Variants in RPP30 observed in about 807,000 individuals in gnomAD.
The protein encoded by RPP30 is ribonuclease P/MRP subunit p30.
In RPP30, 36 loss-of-function variants were observed where a neutral mutation model predicts 38.6. That is an observed-to-expected ratio of 0.93 (90% CI 0.71 to 1.23). The LOEUF (loss-of-function observed/expected upper bound fraction) is 1.23. Among genes scored for constraint, RPP30 ranks in the 50% most tolerant of loss-of-function variants. The probability of loss-of-function intolerance (pLI) is 0.00; values close to 1 mark genes in which losing one functional copy is unlikely to be tolerated. For synonymous variants in RPP30, 126 were observed against 112.7 expected (o/e 1.12, Z -0.75); for missense variants, 321 against 321.7 (o/e 1.00, Z 0.02).
At chr10:90,903,356 C>A, downstream of RPP30, 3 of 792,156 alleles carry the variant, frequency 3.8e-6, no homozygotes, top group South Asian at 3.3e-5. Flanking sequence ...TGCGACGTCC[C>A]ACCTTAATTT....
At chr10:90,899,447 T>C (rs1847177383) in intron 10 of RPP30, among the ~76,000 whole-genome samples, 1 of 152,230 alleles carries the variant, frequency 6.6e-6, no homozygotes, top group African/African-American at 2.4e-5. Context: ...TCTGTTCAAG[T>C]TCTTTTGATT....
chr10:90,892,591 A>G (rs1847095643), intron 6 of RPP30, among the ~76,000 whole-genome samples: 1 of 152,184 alleles, frequency 6.6e-6, no homozygotes, highest in Non-Finnish European at 1.5e-5. Context: ...AGATCTAAGC[A>G]TCCAACTCTA....
chr10:90,891,768 G>A (rs1468299503), intron 6 of RPP30, among the ~76,000 whole-genome samples: 1 of 152,188 alleles, frequency 6.6e-6, no homozygotes. Context: ...GTTGTATGAA[G>A]AAACTCTGGA....
At chr10:90,876,344 C>G (rs1015197357) in intron 4 of RPP30, among the ~76,000 whole-genome samples, 2 of 152,144 alleles carry the variant, frequency 1.3e-5, no homozygotes, top group Non-Finnish European at 2.9e-5. Context: ...ATTGAACTCA[C>G]GTGCACCAGA....
chr10:90,874,595 CAT>C (rs1846825949), intron 1 of RPP30, among the ~76,000 whole-genome samples: 1 of 152,178 alleles, frequency 6.6e-6, no homozygotes, highest in South Asian at 2.1e-4. Context: ...TCAAACACCT[CAT>C]GTGTATTATT....
At chr10:90,884,358 A>T (rs1390661692) in intron 5 of RPP30, among the ~76,000 whole-genome samples, 2 of 152,174 alleles carry the variant, frequency 1.3e-5, no homozygotes, top group Non-Finnish European at 2.9e-5. Context: ...CCTTATACTG[A>T]TTTAAAGACC....
chr10:90,888,329 C>T lies in RPP30; in HGVS notation c.432+2428C>T, dbSNP rs116852103. Among the ~76,000 whole-genome samples the T allele has an allele frequency of 7.6e-3, 1,155 of 152,330 alleles. 11 individuals are homozygous for T. Among genetic ancestry groups the T allele is most frequent in the South Asian group, 0.013 (61 of 4,828 alleles). On this transcript the variant is annotated intron_variant, in intron 6 of 10. Transcript: ENST00000371703. Reference sequence around the variant, plus strand: ...CCATGGAATGGACAGCAATGCACAACAGATAATTCCTCATGTCTCACGACA... The same window carrying T: ...CCATGGAATGGACAGCAATGCACAATAGATAATTCCTCATGTCTCACGACA...
intron 1 of RPP30, among the ~76,000 whole-genome samples, chr10:90,873,524 A>G (rs983522617): frequency 4.6e-5 from 7 of 152,338 alleles, no homozygotes; most frequent in African/African-American, 1.2e-4. Context: ...TCAGAAATAT[A>G]CTGTGTAAAT....
chr10:90,882,213 G>A lies in RPP30; in HGVS notation c.342+3079G>A, dbSNP rs1477432077. ...GGTTGAGGAGAATTCAGGTTATTTA[G>A]TCCAGTGGTCTCTAACCTGCTTTGA... On this transcript the variant is annotated intron_variant, in intron 5 of 10. Transcript: ENST00000371703. Among the ~76,000 whole-genome samples the A allele has an allele frequency of 2.0e-5, 3 of 152,248 alleles. No individual in the cohort carries two copies. The East Asian group carries it at 5.8e-4, about 29-fold the overall frequency.
chr10:90,890,936 T>C (rs1213179731), intron 6 of RPP30, among the ~76,000 whole-genome samples: 2 of 152,184 alleles, frequency 1.3e-5, no homozygotes, highest in East Asian at 1.9e-4. Context: ...TTTATCATAG[T>C]AAGAGATTTC....
At chr10:90,906,065 A>C (rs570914490), downstream of RPP30, 5 of 152,316 alleles carry the variant, frequency 3.3e-5, no homozygotes, top group African/African-American at 1.2e-4. Context: ...TGAAACCAGG[A>C]TTATTGGTGA....
At chr10:90,895,724 A>G (rs1402562288) in intron 8 of RPP30, 156 bp from the exon 9 acceptor site, 31 of 571,390 alleles carry the variant, frequency 5.4e-5, no homozygotes, top group Non-Finnish European at 8.4e-5. Context: ...CTTCTCTTAT[A>G]TTTTCAAAAG....
rs1847205436 is a variant in RPP30, at chr10:90,901,717, A to ACC, written c.*1038_*1039insCC. ...AAATACATGCATTTATGCAATATTA[A>ACC]TGTAAGGGCTCTAAAACAATGGAGT... On this transcript the variant is annotated 3_prime_UTR_variant, in exon 11 of 11. Transcript: ENST00000371703. The ACC allele has an allele frequency of 1.0e-6, 1 of 984,076 alleles. No homozygotes were observed. The highest frequency in any genetic ancestry group is 1.7e-5 in the African/African-American group (1 of 57,224). 61.0% of individuals were successfully genotyped at this position (984,076 alleles called of 1,614,324 possible). A position where few individuals can be genotyped will look rare whatever the true frequency, so the allele number is the denominator to read the frequency against.
downstream of RPP30, among the ~76,000 whole-genome samples, chr10:90,906,358 G>A (rs1246800550): frequency 6.6e-6 from 1 of 152,164 alleles, no homozygotes; most frequent in East Asian, 1.9e-4. Context: ...AAACAGTAAA[G>A]CAAGTGCCTG....
In RPP30 at chr10:90,875,441, C is replaced by T. The variant is rs1200169815; in HGVS notation, c.139-117C>T. Reference sequence around the variant, plus strand: ...AGTTTTTTTGAATACCAGAAATCACCTTGCTTTCTTTTTAAAAAAAATGCA... The same window carrying T: ...AGTTTTTTTGAATACCAGAAATCACTTTGCTTTCTTTTTAAAAAAAATGCA... On this transcript the variant is annotated intron_variant, in intron 2 of 10. Transcript: ENST00000371703. The T allele has an allele frequency of 4.3e-5, 34 of 784,338 alleles. No individual in the cohort carries two copies. In the East Asian group the frequency reaches 7.5e-4, roughly 17 times the overall value. The allele number at this position is 784,338 out of a possible 1,614,324, so 48.6% of individuals were successfully genotyped here.
Position 90,894,733 on chromosome 10 carries a change from G to T in RPP30, c.433-42G>T. ...GAATCAGTGAAAATGAAGTAGGCCAGTGCATGCTTATCTCTGACAGTTCTC... is the reference window on the plus strand; with the variant it reads ...GAATCAGTGAAAATGAAGTAGGCCATTGCATGCTTATCTCTGACAGTTCTC... On this transcript the variant is annotated intron_variant, in intron 6 of 10. Coordinates refer to ENST00000371703, the MANE Select transcript of RPP30 (RefSeq NM_006413.5). 2.9e-6 allele frequency: 4 copies of T among 1,385,784 alleles called. No homozygotes were observed. The East Asian group carries it at 9.2e-5, about 32-fold the overall frequency. 85.8% of individuals were successfully genotyped at this position (1,385,784 alleles called of 1,614,324 possible). A position where few individuals can be genotyped will look rare whatever the true frequency, so the allele number is the denominator to read the frequency against.
intron 5 of RPP30, among the ~76,000 whole-genome samples, chr10:90,884,179 C>T (rs1056375887): frequency 3.9e-5 from 6 of 152,020 alleles, no homozygotes. Flanking sequence ...TACTAATGTC[C>T]CCTGAGCCTT....
At chr10:90,885,386 T>C (rs1846985505) in intron 5 of RPP30, among the ~76,000 whole-genome samples, 1 of 152,236 alleles carries the variant, frequency 6.6e-6, no homozygotes, top group Non-Finnish European at 1.5e-5. Context: ...ACAGAGTTGC[T>C]CAATAAATAG....
Position 90,895,459 on chromosome 10 carries a change from A to G in RPP30, c.555A>G (p.Val185=). 1 of 1,420,064 alleles carries G rather than the reference A, an allele frequency of 7.0e-7. No individual in the cohort carries two copies. The highest frequency in any genetic ancestry group is 9.4e-7 in the Non-Finnish European group (1 of 1,068,528). The allele number at this position is 1,420,064 out of a possible 1,614,324, so 88.0% of individuals were successfully genotyped here. The change falls in exon 8 of 11, where the codon GTA becomes GTG. Residue 185 remains valine (V), a synonymous_variant. Coordinates refer to ENST00000371703, the MANE Select transcript of RPP30 (RefSeq NM_006413.5). ...NLMQICKGKN[V]IISSAAERPL... Reference sequence around the variant, plus strand: ...AGTCACTTTCTATTTTGTAGAATGTAATTATATCTAGTGCTGCAGAAAGGG... The same window carrying G: ...AGTCACTTTCTATTTTGTAGAATGTGATTATATCTAGTGCTGCAGAAAGGG...
Sources: gnomAD v4.1 joint callset for allele counts (sites outside exome capture counted in the v4.1 genomes callset) on GRCh38, gnomAD v4.1.1 for gene constraint, MANE v1.5 for transcripts, NCBI Gene and HGNC (gene_info 2026-07-23, HGNC 2026-07-21) for gene names.